The following IGF1R variants were observed in gnomAD, a reference collection of about 807,000 sequenced individuals.
IGF1R encodes the protein insulin like growth factor 1 receptor.
Under a neutral mutation model 144.6 loss-of-function variants are expected in IGF1R, and 44 were observed. The ratio of observed to expected loss-of-function variants is 0.30; its 90% CI spans 0.24 to 0.39. The LOEUF (loss-of-function observed/expected upper bound fraction) is 0.39, where lower values mean the gene tolerates loss of function less well. Ranked by LOEUF, IGF1R falls within the 10% of genes least tolerant of loss-of-function variation. The probability of loss-of-function intolerance (pLI) is 1.00; values close to 1 mark genes in which losing one functional copy is unlikely to be tolerated. For synonymous variants in IGF1R, 795 were observed against 722.8 expected (o/e 1.10, Z -1.60); for missense variants, 1,355 against 1,833.7 (o/e 0.74, Z 4.77).
intron 2 of IGF1R, among the ~76,000 whole-genome samples, chr15:98,733,598 A>G (rs1413130247): frequency 1.3e-5 from 2 of 151,990 alleles, no homozygotes; most frequent in Admixed American, 1.3e-4. Context: ...GGCCCCCAGC[A>G]TAGTCATTTG....
intron 18 of IGF1R, among the ~76,000 whole-genome samples, chr15:98,940,070 T>C (rs536313383): frequency 6.2e-4 from 94 of 152,362 alleles, no homozygotes; most frequent in African/African-American, 2.2e-3. Context: ...CTTCAGCCTT[T>C]AGGTTTGTGT....
chr15:98,946,912 G>A (rs2016575850), intron 19 of IGF1R, among the ~76,000 whole-genome samples: 1 of 152,254 alleles, frequency 6.6e-6, no homozygotes, highest in Non-Finnish European at 1.5e-5. Context: ...GTCAGCAAAA[G>A]CAGAGAGCTA....
intron 2 of IGF1R, among the ~76,000 whole-genome samples, chr15:98,773,468 A>G (rs1209225841): frequency 1.3e-5 from 2 of 152,192 alleles, no homozygotes; most frequent in Admixed American, 1.3e-4. Context: ...AAGTATGTGC[A>G]GTTTCAGCAC....
intron 2 of IGF1R, among the ~76,000 whole-genome samples, chr15:98,847,433 G>A (rs976697167): frequency 7.2e-5 from 11 of 152,300 alleles, no homozygotes; most frequent in African/African-American, 2.4e-4. Flanking sequence ...AGGCTTTGGA[G>A]CCAGGTAGTC....
At chr15:98,837,761 A>G (rs2011113250) in intron 2 of IGF1R, among the ~76,000 whole-genome samples, 1 of 152,140 alleles carries the variant, frequency 6.6e-6, no homozygotes, top group African/African-American at 2.4e-5. Context: ...TGGAATTTTT[A>G]CATAGGAAAG....
intron 2 of IGF1R, among the ~76,000 whole-genome samples, chr15:98,740,886 A>G (rs1188961248): frequency 1.3e-5 from 2 of 152,184 alleles, no homozygotes; most frequent in African/African-American, 2.4e-5. Flanking sequence ...TTTAAAAGAT[A>G]TTTAGTGAAA....
At chr15:98,798,151 T>C (rs990079577) in intron 2 of IGF1R, among the ~76,000 whole-genome samples, 3 of 152,186 alleles carry the variant, frequency 2.0e-5, no homozygotes, top group African/African-American at 7.2e-5. Flanking sequence ...GTGGAGCTTT[T>C]ATTAAAGTAG....
Position 98,957,163 on chromosome 15 carries a change from G to A in IGF1R, c.3825G>A (p.Arg1275=). The change falls in exon 21 of 21, where the codon CGG becomes CGA. Residue 1275 remains arginine, a synonymous_variant. Transcript: ENST00000650285. The stretch of plus-strand genomic sequence containing the variant: ...AAGAGGAGATGGAGCCTGGCTTCCG[G>A]GAGGTCTCCTTCTACTACAGCGAGG... ...SIKEEMEPGF[R]EVSFYYSEEN... The A allele has an allele frequency of 6.2e-7, 1 of 1,614,260 alleles. No homozygotes were observed. Among genetic ancestry groups the A allele is most frequent in the Non-Finnish European group, 8.5e-7 (1 of 1,180,052 alleles).
rs1996748 is a variant in IGF1R at position 98,875,896 on chromosome 15, C to T, written c.641-15429C>T. ...CCGGGGCATAGGATGGATGACAGGC[C>T]TCATACGCATCACGTCTGAAGGGAA... On this transcript the variant is annotated intron_variant, in intron 2 of 20. Coordinates refer to ENST00000650285, the MANE Select transcript of IGF1R (RefSeq NM_000875.5). Among the ~76,000 whole-genome samples the T allele has an allele frequency of 6.3e-3, 955 of 152,228 alleles. 9 individuals carry two copies. The highest frequency in any genetic ancestry group is 0.022 in the African/African-American group (905 of 41,530).
intron 1 of IGF1R, among the ~76,000 whole-genome samples, chr15:98,703,403 T>C (rs2053783788): frequency 6.6e-6 from 1 of 152,212 alleles, no homozygotes; most frequent in Non-Finnish European, 1.5e-5. Flanking sequence ...GTTTGTGGCT[T>C]GCGCCTCCTG....
chr15:98,957,620 C>T lies in IGF1R; in HGVS notation c.*178C>T, dbSNP rs1420138814. ...GCAGTAAAACACATTTGGGATGTTC[C>T]TTTTTTCAATATGCAAGCAGCTTTT... is the stretch of plus-strand genomic sequence containing the variant. On this transcript the variant is annotated 3_prime_UTR_variant, in exon 21 of 21. Coordinates refer to ENST00000650285, the MANE Select transcript of IGF1R (RefSeq NM_000875.5). 2.2e-5 allele frequency: 16 copies of T among 730,948 alleles called. No individual in the cohort carries two copies. Among genetic ancestry groups the T allele is most frequent in the Non-Finnish European group, 3.1e-5 (14 of 446,430 alleles). The allele number at this position is 730,948 out of a possible 1,614,324, so 45.3% of individuals were successfully genotyped here.
At position 98,908,477 on chromosome 15, in the gene IGF1R, G is replaced by A. The variant is rs45621735; in HGVS notation, c.1248-208G>A. Among the ~76,000 whole-genome samples the A allele has an allele frequency of 2.8e-3, 431 of 152,286 alleles. 4 individuals are homozygous for A. The highest frequency in any genetic ancestry group is 9.6e-3 in the African/African-American group (397 of 41,550). ...TCATAGAATTAATTAGCATCTTACC[G>A]ATTTTGATATGTTATCCTTGAATCA... is the stretch of plus-strand genomic sequence containing the variant. On this transcript the variant is annotated intron_variant, in intron 5 of 20. Transcript: ENST00000650285.
intron 2 of IGF1R, among the ~76,000 whole-genome samples, chr15:98,829,834 G>A (rs2056968721): frequency 6.6e-6 from 1 of 152,198 alleles, no homozygotes; most frequent in African/African-American, 2.4e-5. Context: ...CCACTGCTAT[G>A]TTTTGGTGAA....
chr15:98,817,027 G>C (rs80250100), intron 2 of IGF1R, among the ~76,000 whole-genome samples: 3 of 152,138 alleles, frequency 2.0e-5, no homozygotes, highest in African/African-American at 7.2e-5. Flanking sequence ...TCAATGCTGC[G>C]TGTGGTGGCT....
intron 2 of IGF1R, among the ~76,000 whole-genome samples, chr15:98,865,730 G>T (rs554283796): frequency 6.6e-6 from 1 of 152,316 alleles, no homozygotes; most frequent in South Asian, 2.1e-4. Flanking sequence ...ACGCGGTTTC[G>T]ATCACTGGTG....
intron 6 of IGF1R, among the ~76,000 whole-genome samples, chr15:98,909,554 C>G (rs949346869): frequency 1.3e-5 from 2 of 152,196 alleles, no homozygotes; most frequent in African/African-American, 4.8e-5. Context: ...CCACCATGCC[C>G]TGTCCGATTA....
chr15:98,961,439 T>C lies in IGF1R; in HGVS notation c.*3997T>C, dbSNP rs1453977406. On this transcript the variant is annotated 3_prime_UTR_variant, in exon 21 of 21. Coordinates refer to ENST00000650285, the MANE Select transcript of IGF1R (RefSeq NM_000875.5). ...AAACTTGGCTTGTGTGATGGTGCAG[T>C]CACTTTACTGGACCAACCCACCCAC... is the stretch of plus-strand genomic sequence containing the variant. 4.3e-6 allele frequency: 1 copy of C among 233,374 alleles called. No individual in the cohort carries two copies. Among genetic ancestry groups the C allele is most frequent in the African/African-American group, 2.2e-5 (1 of 45,334 alleles). The allele number at this position is 233,374 out of a possible 1,614,324, so 14.5% of individuals were successfully genotyped here.
At chr15:98,852,805 T>C (rs1333131565) in intron 2 of IGF1R, among the ~76,000 whole-genome samples, 1 of 152,204 alleles carries the variant, frequency 6.6e-6, no homozygotes, top group Non-Finnish European at 1.5e-5. Context: ...GGCTGCTGTT[T>C]ACAAAAATCC....
chr15:98,793,469 G>C (rs1291100563), intron 2 of IGF1R, among the ~76,000 whole-genome samples: 2 of 152,174 alleles, frequency 1.3e-5, no homozygotes, highest in Non-Finnish European at 2.9e-5. Context: ...TTAAGTCACA[G>C]ACTCAAGTTA....
Sources: allele counts gnomAD v4.1 joint callset (sites outside exome capture counted in the v4.1 genomes callset), GRCh38; gene constraint gnomAD v4.1.1; transcripts MANE v1.5; gene names NCBI Gene and HGNC (gene_info 2026-07-23, HGNC 2026-07-21).